Variants in CCR5AS observed in about 807,000 individuals in gnomAD.
CCR5AS encodes CCR5 antisense RNA.
intron 2 of CCR5AS, among the ~76,000 whole-genome samples, chr3:46,390,652 T>A (rs1701903683): frequency 6.6e-6 from 1 of 152,044 alleles, no homozygotes; most frequent in Non-Finnish European, 1.5e-5. Flanking sequence ...GTGAAACAGG[T>A]CTTGAGTTGG....
intron 1 of CCR5AS, among the ~76,000 whole-genome samples, chr3:46,399,593 A>G (rs1701989514): frequency 2.0e-5 from 3 of 152,218 alleles, no homozygotes; most frequent in African/African-American, 4.8e-5. Context: ...TTGGGACTCA[A>G]AGAAAATGTG....
At chr3:46,388,667 G>A (rs1387886428) in intron 2 of CCR5AS, among the ~76,000 whole-genome samples, 1 of 152,130 alleles carries the variant, frequency 6.6e-6, no homozygotes, top group African/African-American at 2.4e-5. Flanking sequence ...AGTAAGTCAA[G>A]GCCTCAGCAG....
chr3:46,368,833 T>C (rs1343285201), intron 3 of CCR5AS, among the ~76,000 whole-genome samples: 1 of 152,084 alleles, frequency 6.6e-6, no homozygotes, highest in African/African-American at 2.4e-5. Flanking sequence ...CATCCTCCAA[T>C]ACCCTAATGA....
In CCR5AS at chr3:46,378,784, C is replaced by T. The variant is rs142585098; in HGVS notation, n.392-7367G>A. ...ATTCGGGGTACAGGTTGATGCCTGT[C>T]GTGGAATGAAGGTTCCAACACCCAG... On this transcript the variant is annotated intron_variant and non_coding_transcript_variant, in intron 2 of 3. Coordinates refer to ENST00000451485, the Ensembl canonical transcript of CCR5AS. Among the ~76,000 whole-genome samples, 55 of 152,210 alleles carry T rather than the reference C, an allele frequency of 3.6e-4. 2 individuals are homozygous for T. The East Asian group carries it at 9.3e-3, about 26-fold the overall frequency.
chr3:46,404,605 T>C (rs1259041712), intron 1 of CCR5AS, among the ~76,000 whole-genome samples: 2 of 152,094 alleles, frequency 1.3e-5, no homozygotes, highest in Admixed American at 1.3e-4. Context: ...CCCAAAGTGC[T>C]GGGATTACAG....
chr3:46,385,915 T>A (rs933369896), intron 2 of CCR5AS, among the ~76,000 whole-genome samples: 1 of 151,972 alleles, frequency 6.6e-6, no homozygotes, highest in Non-Finnish European at 1.5e-5. Context: ...TAATTTTTTG[T>A]ATTTTCAGTA....
At chr3:46,401,165 C>G (rs1702003006) in intron 1 of CCR5AS, among the ~76,000 whole-genome samples, 1 of 152,058 alleles carries the variant, frequency 6.6e-6, no homozygotes, top group Non-Finnish European at 1.5e-5. Context: ...CCAAACATGA[C>G]AGAATGGGAA....
At chr3:46,382,663 C>T (rs1701826688) in intron 2 of CCR5AS, among the ~76,000 whole-genome samples, 2 of 152,124 alleles carry the variant, frequency 1.3e-5, no homozygotes, top group South Asian at 4.1e-4. Context: ...TCTGCATCAT[C>T]CAAAATGGTA....
exon 4 of CCR5AS, among the ~76,000 whole-genome samples, chr3:46,364,585 C>A (rs915344140): frequency 1.4e-4 from 21 of 152,050 alleles, no homozygotes; most frequent in African/African-American, 4.3e-4. Context: ...TGGACCAAGA[C>A]TTTCAAGTCT....
chr3:46,393,762 T>C (rs1354007976), intron 1 of CCR5AS, among the ~76,000 whole-genome samples: 1 of 152,234 alleles, frequency 6.6e-6, no homozygotes, highest in Admixed American at 6.5e-5. Flanking sequence ...ATAGGAGGGC[T>C]TCCAGGCCCC....
intron 1 of CCR5AS, among the ~76,000 whole-genome samples, chr3:46,404,973 G>A (rs1475301388): frequency 1.3e-5 from 2 of 152,226 alleles, no homozygotes; most frequent in African/African-American, 2.4e-5. Flanking sequence ...GTGATAAAGA[G>A]GAACTCAGAC....
At chr3:46,387,241 G>A (rs899529102) in intron 2 of CCR5AS, among the ~76,000 whole-genome samples, 1 of 152,108 alleles carries the variant, frequency 6.6e-6, no homozygotes, top group African/African-American at 2.4e-5. Flanking sequence ...CCCTACAGAC[G>A]CAGTGCCCTG....
rs547545891 is a variant in CCR5AS, at chr3:46,386,185, G to A, written n.391+6640C>T. On this transcript the variant is annotated intron_variant and non_coding_transcript_variant, in intron 2 of 3. Coordinates refer to ENST00000451485, the Ensembl canonical transcript of CCR5AS. ...CCTGCCTCCACCTTCCAAAGTGCTA[G>A]GATTACAGGAATGAGCCACCCCACC... Among the ~76,000 whole-genome samples the A allele has an allele frequency of 3.9e-5, 6 of 152,100 alleles. No individual in the cohort carries two copies. The East Asian group carries it at 1.2e-3, about 29-fold the overall frequency.
At chr3:46,379,792 G>A (rs895670268) in intron 2 of CCR5AS, among the ~76,000 whole-genome samples, 2 of 152,128 alleles carry the variant, frequency 1.3e-5, no homozygotes, top group African/African-American at 4.8e-5. Context: ...AGCTACTCGG[G>A]AGGCTGAGGC....
At chr3:46,370,031 A>T (rs1351600357) in intron 3 of CCR5AS, among the ~76,000 whole-genome samples, 1 of 152,210 alleles carries the variant, frequency 6.6e-6, no homozygotes, top group Middle Eastern at 3.4e-3. Flanking sequence ...AATACTTGAG[A>T]TTTTCAGATG....
At chr3:46,395,360 T>C (rs1041461466) in intron 1 of CCR5AS, among the ~76,000 whole-genome samples, 3 of 151,880 alleles carry the variant, frequency 2.0e-5, no homozygotes, top group African/African-American at 7.3e-5. Flanking sequence ...TCACAGGCAG[T>C]GGATGCCGTA....
chr3:46,385,654 T>C (rs531380815), intron 2 of CCR5AS, among the ~76,000 whole-genome samples: 2 of 152,322 alleles, frequency 1.3e-5, no homozygotes, highest in South Asian at 2.1e-4. Context: ...AAACCCATAA[T>C]GTAGAAGCCC....
At chr3:46,370,282 G>GA (rs1259977258) in intron 3 of CCR5AS, among the ~76,000 whole-genome samples, 1 of 152,058 alleles carries the variant, frequency 6.6e-6, no homozygotes, top group Admixed American at 6.6e-5. Flanking sequence ...CCTGGGTCCA[G>GA]AAAAAGATGG....
intron 2 of CCR5AS, among the ~76,000 whole-genome samples, chr3:46,377,302 G>C (rs900232087): frequency 6.6e-6 from 1 of 152,116 alleles, no homozygotes; most frequent in African/African-American, 2.4e-5. Flanking sequence ...TTCAACTCAC[G>C]ACCTTCAGGA....
Sources: allele counts gnomAD v4.1 joint callset (sites outside exome capture counted in the v4.1 genomes callset), GRCh38; gene constraint gnomAD v4.1.1; transcripts MANE v1.5; gene names NCBI Gene and HGNC (gene_info 2026-07-23, HGNC 2026-07-21).